Variants in HDGFL3 observed in about 807,000 individuals in gnomAD.
HDGFL3 encodes the protein HDGF like 3.
A neutral mutation model predicts 27.6 loss-of-function variants in HDGFL3; 6 were observed. The observed-to-expected ratio is 0.22, with a 90% CI of 0.12 to 0.43. The LOEUF (loss-of-function observed/expected upper bound fraction) is 0.43, where lower values mean the gene tolerates loss of function less well. HDGFL3 is among the 20% of genes least tolerant of loss of function. The pLI is 1.00. For missense variants in HDGFL3, 207 were observed against 250.1 expected, an observed-to-expected ratio of 0.83 and a Z score of 1.16; for synonymous variants, 88 against 88.9, an observed-to-expected ratio of 0.99 and a Z score of 0.05.
Position 83,205,486 on chromosome 15 carries a change from C to G in HDGFL3, c.84+1845G>C, listed in dbSNP as rs555371153. Among the ~76,000 whole-genome samples, 162 of 152,164 alleles carry G rather than the reference C, an allele frequency of 1.1e-3. 1 individual carries two copies. The South Asian group carries it at 0.032, about 30-fold the overall frequency. ...TTATCACTTCCAGGAATTTTATGTA[C>G]AATTAGATATACAACTAGGACCACT... On this transcript the variant is annotated intron_variant, in intron 1 of 5. Transcript: ENST00000299633.
chr15:83,202,867 A>C (rs1232129259), intron 1 of HDGFL3, among the ~76,000 whole-genome samples: 1 of 152,070 alleles, frequency 6.6e-6, no homozygotes, highest in Non-Finnish European at 1.5e-5. Flanking sequence ...ATAGTACTCC[A>C]CTATGTGAAT....
At chr15:83,170,740 G>C (rs996794720) in intron 1 of HDGFL3, among the ~76,000 whole-genome samples, 1 of 152,036 alleles carries the variant, frequency 6.6e-6, no homozygotes, top group African/African-American at 2.4e-5. Context: ...AAACTAAAGA[G>C]CTTCTGCACA....
Position 83,131,157 on chromosome 15 carries a change from C to CT in HDGFL3, c.*8112dup, listed in dbSNP as rs2036215642. ...ATTTTTCTGTAACTTTAATCAGCAT[C>CT]TTTGCTTGCTAAAATTGCCATTCTT... On this transcript the variant is annotated 3_prime_UTR_variant, in exon 6 of 6. Transcript: ENST00000299633. 6.6e-6 allele frequency: 1 copy of CT among 152,092 alleles called. No individual in the cohort carries two copies. The highest frequency in any genetic ancestry group is 2.4e-5 in the African/African-American group (1 of 41,440). 9.4% of individuals were successfully genotyped at this position (152,092 alleles called of 1,614,324 possible). A position where few individuals can be genotyped will look rare whatever the true frequency, so the allele number is the denominator to read the frequency against.
rs2036676377 is a variant in HDGFL3, at chr15:83,137,556, A to G, written c.*1714T>C. 6.6e-6 allele frequency: 1 copy of G among 152,212 alleles called. No homozygotes were observed. The highest frequency in any genetic ancestry group is 2.4e-5 in the African/African-American group (1 of 41,462). The allele number at this position is 152,212 out of a possible 1,614,324, so 9.4% of individuals were successfully genotyped here. A position where few individuals can be genotyped will look rare whatever the true frequency, so the allele number is the denominator to read the frequency against. On this transcript the variant is annotated 3_prime_UTR_variant, in exon 6 of 6. Transcript: ENST00000299633. ...TACATTCAAATATTCAAAATTAAAA[A>G]GGACCTTTTAAGGAAGAAGTATTAG...
intron 1 of HDGFL3, among the ~76,000 whole-genome samples, chr15:83,198,074 A>AAAAAAAAAAAAAAAAAAAAAAAAAAT (rs59316745): frequency 6.6e-6 from 1 of 150,658 alleles, no homozygotes; most frequent in African/African-American, 2.4e-5. Flanking sequence ...AAAAAAAAAA[A>AAAAAAAAAAAAAAAAAAAAAAAAAAT]GAAGCCAATT....
intron 1 of HDGFL3, among the ~76,000 whole-genome samples, chr15:83,167,495 T>C (rs879277654): frequency 4.6e-5 from 7 of 151,260 alleles, no homozygotes; most frequent in Non-Finnish European, 8.8e-5. Flanking sequence ...GAGGCGGAGA[T>C]TGCAGTCAGC....
At chr15:83,166,140 G>C (rs2037169465) in intron 1 of HDGFL3, among the ~76,000 whole-genome samples, 1 of 152,024 alleles carries the variant, frequency 6.6e-6, no homozygotes, top group South Asian at 2.1e-4. Context: ...ACATCACCAA[G>C]GCATATAGTC....
chr15:83,199,669 T>C (rs569558739), intron 1 of HDGFL3, among the ~76,000 whole-genome samples: 1 of 152,316 alleles, frequency 6.6e-6, no homozygotes, highest in Non-Finnish European at 1.5e-5. Context: ...GAATAGTTTA[T>C]TCTTAGACCC....
At chr15:83,148,006 G>T (rs1328637062) in intron 5 of HDGFL3, among the ~76,000 whole-genome samples, 1 of 152,212 alleles carries the variant, frequency 6.6e-6, no homozygotes, top group Non-Finnish European at 1.5e-5. Flanking sequence ...AACATGGGTG[G>T]TCAATAAACA....
At position 83,185,745 on chromosome 15, in the gene HDGFL3, C is replaced by T. The variant is rs556525103; in HGVS notation, c.84+21586G>A. 3.3e-5 allele frequency among the ~76,000 whole-genome samples: 5 copies of T among 152,260 alleles called. No homozygotes were observed. In the East Asian group the frequency reaches 7.7e-4, roughly 23 times the overall value. ...TTGTTTCTAAAATGGCTTGTGTGAT[C>T]CCCACTCTTGATATTCATATCCTTA... On this transcript the variant is annotated intron_variant, in intron 1 of 5. Coordinates refer to ENST00000299633, the MANE Select transcript of HDGFL3 (RefSeq NM_016073.4).
At chr15:83,186,230 G>A (rs1281505991) in intron 1 of HDGFL3, among the ~76,000 whole-genome samples, 1 of 152,182 alleles carries the variant, frequency 6.6e-6, no homozygotes, top group Non-Finnish European at 1.5e-5. Context: ...AAATTTTAGA[G>A]CAACTTGTTA....
intron 1 of HDGFL3, among the ~76,000 whole-genome samples, chr15:83,184,185 T>A (rs900139396): frequency 6.6e-6 from 1 of 152,212 alleles, no homozygotes; most frequent in Non-Finnish European, 1.5e-5. Flanking sequence ...GATATCAACT[T>A]TTTTACCCTT....
At chr15:83,123,286 C>T (rs1285359312), downstream of HDGFL3, among the ~76,000 whole-genome samples, 1 of 152,132 alleles carries the variant, frequency 6.6e-6, no homozygotes, top group Non-Finnish European at 1.5e-5. Context: ...GGATACTGCT[C>T]CTCAAGGTAG....
At chr15:83,204,086 AAGG>A (rs1029798721) in intron 1 of HDGFL3, among the ~76,000 whole-genome samples, 3 of 149,972 alleles carry the variant, frequency 2.0e-5, no homozygotes, top group African/African-American at 7.4e-5. Context: ...GGGGAGAAGG[AAGG>A]AGGAGGACAG....
At chr15:83,167,556 T>A (rs2037186786) in intron 1 of HDGFL3, among the ~76,000 whole-genome samples, 1 of 134,102 alleles carries the variant, frequency 7.5e-6, no homozygotes. Flanking sequence ...TGAGACTCCA[T>A]CTCAAGAAAA....
chr15:83,184,983 A>G (rs2037423637), intron 1 of HDGFL3: 1 of 152,240 alleles, frequency 6.6e-6, no homozygotes, highest in Non-Finnish European at 1.5e-5. Flanking sequence ...GATAATTTTT[A>G]GTAAAAGCTA....
intron 2 of HDGFL3, among the ~76,000 whole-genome samples, chr15:83,161,304 G>A (rs1276783584): frequency 6.6e-6 from 1 of 152,154 alleles, no homozygotes; most frequent in East Asian, 1.9e-4. Context: ...TGAGTAGCTA[G>A]GACTACAGCC....
chr15:83,183,423 C>G (rs1293905956), intron 1 of HDGFL3, among the ~76,000 whole-genome samples: 1 of 152,088 alleles, frequency 6.6e-6, no homozygotes, highest in Non-Finnish European at 1.5e-5. Flanking sequence ...CTTTAACAGG[C>G]CCTCAAAAAA....
intron 4 of HDGFL3, among the ~76,000 whole-genome samples, chr15:83,154,344 G>GAA (rs544397303): frequency 5.5e-4 from 62 of 113,466 alleles, no homozygotes; most frequent in East Asian, 1.9e-3. Context: ...TCAAGACAAA[G>GAA]AAAAAAAAAA....
Sources: allele counts gnomAD v4.1 joint callset (sites outside exome capture counted in the v4.1 genomes callset), GRCh38; gene constraint gnomAD v4.1.1; transcripts MANE v1.5; gene names NCBI Gene and HGNC (gene_info 2026-07-23, HGNC 2026-07-21).